Variants in PDE1C observed in about 807,000 individuals in gnomAD.
The protein encoded by PDE1C is phosphodiesterase 1C.
In PDE1C, 62 loss-of-function variants were observed where a neutral mutation model predicts 93.1. The ratio of observed to expected loss-of-function variants is 0.67; its 90% CI spans 0.54 to 0.82. The LOEUF (loss-of-function observed/expected upper bound fraction) is 0.82. Ranked by LOEUF, PDE1C falls within the 40% of genes least tolerant of loss-of-function variation. The pLI is 0.00. For synonymous variants in PDE1C, 325 were observed against 310.1 expected (o/e 1.05, Z -0.50); for missense variants, 742 against 884.6 (o/e 0.84, Z 2.04).
intron 12 of PDE1C, among the ~76,000 whole-genome samples, chr7:31,826,903 T>A (rs1414666378): frequency 6.6e-6 from 1 of 152,158 alleles, no homozygotes; most frequent in African/African-American, 2.4e-5. Flanking sequence ...ACCACTTAAC[T>A]CTGCCACTAA....
intron 2 of PDE1C, among the ~76,000 whole-genome samples, chr7:31,967,186 C>G (rs145301316): frequency 4.1e-4 from 63 of 151,976 alleles, no homozygotes; most frequent in African/African-American, 1.3e-3. Context: ...TTTTTTGAAA[C>G]GATCAACAAA....
At chr7:32,311,090 A>G (rs1028557055) in intron 1 of PDE1C, among the ~76,000 whole-genome samples, 6 of 152,240 alleles carry the variant, frequency 3.9e-5, no homozygotes, top group Non-Finnish European at 8.8e-5. Context: ...GATCCCACAG[A>G]AATACAAACT....
chr7:31,656,650 G>A, the PDE1C span: 1 of 249,398 alleles, frequency 4.0e-6, no homozygotes, highest in African/African-American at 2.3e-5. Context: ...TATGGTAGAA[G>A]CACGGTTATA....
chr7:31,735,189 G>A, the PDE1C span, among the ~76,000 whole-genome samples: 1 of 152,266 alleles, frequency 6.6e-6, no homozygotes, highest in Non-Finnish European at 1.5e-5. Flanking sequence ...ACTTGAGGTT[G>A]GGAGTTTGAG....
At chr7:32,136,759 T>G (rs1307042567) in intron 3 of PDE1C, among the ~76,000 whole-genome samples, 2 of 151,664 alleles carry the variant, frequency 1.3e-5, no homozygotes, top group Non-Finnish European at 2.9e-5. Context: ...GCTCAATTCT[T>G]TGCCCCCAGG....
chr7:31,750,530 T>C (rs984589803), downstream of PDE1C, among the ~76,000 whole-genome samples: 1 of 152,228 alleles, frequency 6.6e-6, no homozygotes, highest in African/African-American at 2.4e-5. Context: ...AGCTAATATT[T>C]ATTGAGCCCT....
At chr7:31,808,652 A>G (rs562031816) in intron 16 of PDE1C, among the ~76,000 whole-genome samples, 1 of 151,958 alleles carries the variant, frequency 6.6e-6, no homozygotes, top group African/African-American at 2.4e-5. Flanking sequence ...AACATGGAAC[A>G]TTTCTTATTT....
chr7:31,775,713 G>A lies in PDE1C; in HGVS notation c.1911C>T (p.His637=), dbSNP rs780738559. 1.5e-4 allele frequency: 245 copies of A among 1,612,796 alleles called. 4 individuals are homozygous for A. The South Asian group carries it at 2.2e-3, about 14-fold the overall frequency. ...AGCTGGTGCTTGGGGCTGGTGAGCC[G>A]TGAGAACGCTGTTTTGTGCCTGTGA... ...KKTDGTKQRS[H]GSPAPSTSST... The change falls in exon 17 of 18, where the codon CAC becomes CAT. Residue 637 remains histidine, a synonymous_variant. Transcript: ENST00000396191.
At chr7:31,927,789 C>T (rs983191535) in intron 2 of PDE1C, among the ~76,000 whole-genome samples, 2 of 152,108 alleles carry the variant, frequency 1.3e-5, no homozygotes, top group African/African-American at 4.8e-5. Context: ...CAAAGGCCAT[C>T]AGCATCAAAG....
At chr7:32,342,401 T>A (rs1186041357) in intron 1 of PDE1C, among the ~76,000 whole-genome samples, 2 of 107,662 alleles carry the variant, frequency 1.9e-5, no homozygotes, top group Non-Finnish European at 4.8e-5. Flanking sequence ...TTTTCCTATA[T>A]AAAATCAAAG....
chr7:31,942,420 AC>A (rs1313669055), intron 2 of PDE1C, among the ~76,000 whole-genome samples: 2 of 152,004 alleles, frequency 1.3e-5, no homozygotes, highest in South Asian at 2.1e-4. Context: ...AAAACTTAGG[AC>A]CCTCAGTAAT....
At chr7:31,756,224 G>C (rs532077076) in intron 17 of PDE1C, among the ~76,000 whole-genome samples, 4 of 152,198 alleles carry the variant, frequency 2.6e-5, no homozygotes, top group African/African-American at 9.6e-5. Context: ...GAGAAATCTA[G>C]TAAACACTTC....
At chr7:32,035,024 G>A (rs750478907) in intron 2 of PDE1C, among the ~76,000 whole-genome samples, 1 of 152,036 alleles carries the variant, frequency 6.6e-6, no homozygotes, top group Non-Finnish European at 1.5e-5. Flanking sequence ...GCAAAGTTTA[G>A]TTTCTCCTCA....
chr7:32,271,045 G>A (rs930257098), intron 1 of PDE1C, among the ~76,000 whole-genome samples: 12 of 152,190 alleles, frequency 7.9e-5, no homozygotes, highest in African/African-American at 2.9e-4. Flanking sequence ...GGCTGAGGCT[G>A]GAGAATCACT....
the PDE1C span, among the ~76,000 whole-genome samples, chr7:31,697,325 G>C: frequency 6.6e-6 from 1 of 152,092 alleles, no homozygotes; most frequent in Non-Finnish European, 1.5e-5. Context: ...GATGGGAAAG[G>C]GTCAGAGCAT....
At chr7:31,691,387 G>A in the PDE1C span, among the ~76,000 whole-genome samples, 1 of 152,260 alleles carries the variant, frequency 6.6e-6, no homozygotes, top group South Asian at 2.1e-4. Flanking sequence ...AATTGGTTGG[G>A]CGATTTTAAT....
At chr7:32,199,881 G>C (rs1417015253) in intron 2 of PDE1C, among the ~76,000 whole-genome samples, 2 of 152,140 alleles carry the variant, frequency 1.3e-5, no homozygotes, top group Non-Finnish European at 2.9e-5. Flanking sequence ...ATGACAGGTT[G>C]CAGTTCAATG....
At chr7:31,723,540 C>T in the PDE1C span, among the ~76,000 whole-genome samples, 1 of 152,110 alleles carries the variant, frequency 6.6e-6, no homozygotes, top group Non-Finnish European at 1.5e-5. Flanking sequence ...GTGGTTCTCC[C>T]TGTCCTGTTT....
intron 1 of PDE1C, among the ~76,000 whole-genome samples, chr7:32,405,629 G>T (rs925985774): frequency 6.6e-5 from 10 of 152,242 alleles, no homozygotes; most frequent in African/African-American, 2.2e-4. Context: ...TTATGCAGGG[G>T]TTTCACCTGC....
Sources: allele counts gnomAD v4.1 joint callset (sites outside exome capture counted in the v4.1 genomes callset), GRCh38; gene constraint gnomAD v4.1.1; transcripts MANE v1.5; gene names NCBI Gene and HGNC (gene_info 2026-07-23, HGNC 2026-07-21).